The following SPTLC1 variants were observed in gnomAD, a reference collection of about 807,000 sequenced individuals.
SPTLC1 encodes the protein serine palmitoyltransferase 1.
In SPTLC1, 55 loss-of-function variants were observed where a neutral mutation model predicts 68.9. That is an observed-to-expected ratio of 0.80 (90% confidence interval 0.64 to 1.00). The LOEUF (loss-of-function observed/expected upper bound fraction) is 1.00, where lower values mean the gene tolerates loss of function less well. SPTLC1 is among the 50% of genes least tolerant of loss of function. The pLI is 0.00. For missense variants in SPTLC1, 449 were observed against 573.1 expected, an observed-to-expected ratio of 0.78 and a Z score of 2.21; for synonymous variants, 197 against 201.6, an observed-to-expected ratio of 0.98 and a Z score of 0.19.
chr9:92,104,340 G>A (rs919950623), intron 3 of SPTLC1: 106 of 1,389,280 alleles, frequency 7.6e-5, no homozygotes, highest in African/African-American at 1.3e-4. Flanking sequence ...TGCCTGCCCC[G>A]GGAATCTGGG....
At chr9:92,074,289 A>G (rs1834599398) in intron 5 of SPTLC1, among the ~76,000 whole-genome samples, 1 of 151,578 alleles carries the variant, frequency 6.6e-6, no homozygotes, top group African/African-American at 2.4e-5. Flanking sequence ...AAACCCCTTA[A>G]AACTCCCCAA....
chr9:92,082,060 C>G (rs750767334), intron 3 of SPTLC1, among the ~76,000 whole-genome samples: 39 of 152,106 alleles, frequency 2.6e-4, no homozygotes, highest in Non-Finnish European at 4.7e-4. Context: ...TGGCTATTGA[C>G]GATTCAGAAG....
intron 5 of SPTLC1, among the ~76,000 whole-genome samples, chr9:92,068,465 T>C (rs1834368851): frequency 6.6e-6 from 1 of 152,236 alleles, no homozygotes; most frequent in South Asian, 2.1e-4. Context: ...TGTTAACTTA[T>C]TAATGTCTGT....
chr9:92,075,469 G>T lies in SPTLC1; in HGVS notation c.427+4547C>A, dbSNP rs942270240. Among the ~76,000 whole-genome samples, 9 of 152,160 alleles carry T rather than the reference G, an allele frequency of 5.9e-5. No individual in the cohort carries two copies. The South Asian group carries it at 1.0e-3, about 18-fold the overall frequency. On this transcript the variant is annotated intron_variant, in intron 5 of 14. Coordinates refer to ENST00000262554, the MANE Select transcript of SPTLC1 (RefSeq NM_006415.4). ...CCCTAGAGGCAACCCCTACTCAAGC[G>T]CTTCCCGACTCCTCCCAACCCTCCT...
chr9:92,092,589 G>A (rs115307821), intron 3 of SPTLC1, among the ~76,000 whole-genome samples: 3,412 of 152,114 alleles, frequency 0.022, 122 homozygotes, highest in African/African-American at 0.079. Context: ...TAATAAATTA[G>A]CTGGGCGTGG....
Position 92,080,977 on chromosome 9 carries a change from A to G in SPTLC1, c.261-14T>C, listed in dbSNP as rs1554711621. 2 of 1,587,620 alleles carry G rather than the reference A, an allele frequency of 1.3e-6. No homozygotes were observed. Among genetic ancestry groups the G allele is most frequent in the Non-Finnish European group, 1.7e-6 (2 of 1,156,740 alleles). ...TGGCTTGGAGGGCTAGGGAAGAGAT[A>G]GAGTGGTACATGTCAATTACACATT... On this transcript the variant is annotated splice_polypyrimidine_tract_variant and intron_variant, in intron 3 of 14. Transcript: ENST00000262554.
At chr9:92,046,363 C>T (rs1423105404) in intron 11 of SPTLC1, 1 of 305,804 alleles carries the variant, frequency 3.3e-6, no homozygotes, top group African/African-American at 2.1e-5. Flanking sequence ...AAATTTATTG[C>T]TTATTTCTTT....
chr9:92,114,970 T>G (rs1836393697), intron 1 of SPTLC1: 2 of 404,916 alleles, frequency 4.9e-6, no homozygotes, highest in Admixed American at 7.3e-5. Context: ...GACGAAGGTG[T>G]TCCACTCATT....
In SPTLC1 at chr9:92,073,773, G is replaced by A. The variant is rs572325979; in HGVS notation, c.428-5675C>T. ...AGGGAAGAGGCTGCCAGGCGGCAGC[G>A]CGCCTTTCAGAATGACAAATGCTTG... On this transcript the variant is annotated intron_variant, in intron 5 of 14. Coordinates refer to ENST00000262554, the MANE Select transcript of SPTLC1 (RefSeq NM_006415.4). Among the ~76,000 whole-genome samples the A allele has an allele frequency of 3.9e-5, 6 of 152,322 alleles. No individual in the cohort carries two copies. The South Asian group carries it at 1.0e-3, about 26-fold the overall frequency.
At chr9:92,113,720 G>A (rs1414119182) in intron 1 of SPTLC1, among the ~76,000 whole-genome samples, 1 of 152,220 alleles carries the variant, frequency 6.6e-6, no homozygotes, top group East Asian at 1.9e-4. Flanking sequence ...CACATCTGCT[G>A]TCTCTGCTGT....
chr9:92,090,102 G>T (rs2118735676), intron 3 of SPTLC1, among the ~76,000 whole-genome samples: 1 of 152,298 alleles, frequency 6.6e-6, no homozygotes, highest in East Asian at 1.9e-4. Context: ...TAAGCGCAAA[G>T]AAGCTGCACG....
At chr9:92,060,582 AG>A (rs1349711759) in intron 6 of SPTLC1, among the ~76,000 whole-genome samples, 1 of 152,142 alleles carries the variant, frequency 6.6e-6, no homozygotes, top group East Asian at 1.9e-4. Flanking sequence ...AGGCAGAGGA[AG>A]GATCAGTGAA....
chr9:92,056,391 G>C (rs1338143654), intron 7 of SPTLC1, among the ~76,000 whole-genome samples: 3 of 152,134 alleles, frequency 2.0e-5, no homozygotes, highest in African/African-American at 7.2e-5. Context: ...ACCACGCTCA[G>C]CTGATTTTTG....
At chr9:92,047,574 T>TA in intron 10 of SPTLC1, 39 bp downstream of exon 10, 1 of 1,353,128 alleles carries the variant, frequency 7.4e-7, no homozygotes, top group Non-Finnish European at 1.1e-6. Flanking sequence ...ATGGAGAAAT[T>TA]AGTTTCAGTT....
At chr9:92,075,243 G>A (rs751443928) in intron 5 of SPTLC1, among the ~76,000 whole-genome samples, 2 of 152,050 alleles carry the variant, frequency 1.3e-5, no homozygotes, top group Non-Finnish European at 2.9e-5. Context: ...CCAGCAGACC[G>A]TATTCAGCTA....
intron 14 of SPTLC1, 57 bp from the exon 15 acceptor site, chr9:92,032,615 C>A: frequency 6.2e-7 from 1 of 1,609,706 alleles, no homozygotes; most frequent in Non-Finnish European, 8.5e-7. Flanking sequence ...CAGTGGCTCA[C>A]GCCTGTAATC....
chr9:92,074,267 G>A (rs780036332), intron 5 of SPTLC1, among the ~76,000 whole-genome samples: 9 of 151,838 alleles, frequency 5.9e-5, no homozygotes, highest in Admixed American at 4.6e-4. Context: ...GCATATTGAC[G>A]GCCAAGCTTC....
chr9:92,055,124 G>T, intron 8 of SPTLC1: 1 of 639,318 alleles, frequency 1.6e-6, no homozygotes, highest in Non-Finnish European at 1.9e-6. Flanking sequence ...AACTCAGAAA[G>T]CTAAGGTGGA....
At chr9:92,066,752 C>T (rs1834297956) in intron 6 of SPTLC1, among the ~76,000 whole-genome samples, 1 of 152,162 alleles carries the variant, frequency 6.6e-6, no homozygotes, top group Non-Finnish European at 1.5e-5. Context: ...GGCACAGTGG[C>T]TCACGCCTGT....
Sources: allele counts gnomAD v4.1 joint callset (sites outside exome capture counted in the v4.1 genomes callset), GRCh38; gene constraint gnomAD v4.1.1; transcripts MANE v1.5; gene names NCBI Gene and HGNC (gene_info 2026-07-23, HGNC 2026-07-21).